Variants in VCAN observed in about 807,000 individuals in gnomAD.
VCAN encodes versican core protein.
Under a neutral mutation model 245.5 loss-of-function variants are expected in VCAN, and 44 were observed. The observed-to-expected ratio is 0.18, with a 90% CI of 0.14 to 0.23. The LOEUF is 0.23. VCAN is among the 10% of genes least tolerant of loss of function. VCAN has a pLI of 1.00. For missense variants in VCAN, 3,793 were observed against 4,057.9 expected (o/e 0.93, Z 1.77); for synonymous variants, 1,413 against 1,437.0 (o/e 0.98, Z 0.38).
chr5:83,553,331 G>A (rs769394971), intron 10 of VCAN, 33 bp from the exon 11 acceptor site: 3 of 1,613,358 alleles, frequency 1.9e-6, no homozygotes, highest in South Asian at 1.1e-5. Flanking sequence ...TGACGTATGT[G>A]CGTTTAATAA....
Position 83,572,340 on chromosome 5 carries a change from T to A in VCAN, c.9736-76T>A, listed in dbSNP as rs552407272. ...ATTGTTGAGTCTATTCCAATTAGAT[T>A]GTGATATAATACCGTCGTTGCTCTT... On this transcript the variant is annotated intron_variant, in intron 12 of 14. Transcript: ENST00000265077. The A allele has an allele frequency of 5.2e-6, 8 of 1,541,090 alleles. No homozygotes were observed. The Admixed American group carries it at 1.2e-4, about 23-fold the overall frequency.
In VCAN at chr5:83,581,806, A is replaced by C. The variant is rs1054541543; in HGVS notation, c.*1372A>C. On this transcript the variant is annotated 3_prime_UTR_variant, in exon 15 of 15. Transcript: ENST00000265077. ...TTGAATAAAGTGACTGCTGAAGATG[A>C]CTTTGAATCCTTATCCACTTAATTT... The C allele has an allele frequency of 5.3e-5, 8 of 152,180 alleles. No homozygotes were observed. The highest frequency in any genetic ancestry group is 1.7e-4 in the African/African-American group (7 of 41,442). The allele number at this position is 152,180 out of a possible 1,614,324, so 9.4% of individuals were successfully genotyped here. A position where few individuals can be genotyped will look rare whatever the true frequency, so the allele number is the denominator to read the frequency against.
chr5:83,517,540 T>C (rs1026279113), intron 6 of VCAN, among the ~76,000 whole-genome samples: 2 of 152,156 alleles, frequency 1.3e-5, no homozygotes, highest in Non-Finnish European at 1.5e-5. Flanking sequence ...AACATGAAAT[T>C]TGGCAGTTAA....
In VCAN at chr5:83,520,439, A is replaced by G; in HGVS notation, c.2133A>G (p.Pro711=). 1.2e-6 allele frequency: 2 copies of G among 1,613,958 alleles called. No individual in the cohort carries two copies. Among genetic ancestry groups the G allele is most frequent in the Non-Finnish European group, 1.7e-6 (2 of 1,179,956 alleles). Residue 711 remains proline, a synonymous_variant, in exon 7 of 15, where the codon CCA becomes CCG. Coordinates refer to ENST00000265077, the MANE Select transcript of VCAN (RefSeq NM_004385.5). ...DEIQEEITKS[P]FMGKTEEEVF... is the part of the protein sequence containing the mutation. ...TACAAGAAGAGATCACTAAAAGTCCATTTATGGGAAAAACAGAAGAAGAAG... is the reference window on the plus strand; with the variant it reads ...TACAAGAAGAGATCACTAAAAGTCCGTTTATGGGAAAAACAGAAGAAGAAG...
At chr5:83,508,734 A>G (rs1049973517) in intron 5 of VCAN, among the ~76,000 whole-genome samples, 1 of 152,216 alleles carries the variant, frequency 6.6e-6, no homozygotes, top group Non-Finnish European at 1.5e-5. Context: ...AAGTAAACTC[A>G]ATTGATTCTG....
chr5:83,503,669 C>T (rs1002697516), intron 5 of VCAN, among the ~76,000 whole-genome samples: 2 of 152,222 alleles, frequency 1.3e-5, no homozygotes, highest in Non-Finnish European at 2.9e-5. Context: ...TCATGTATCA[C>T]ATCACCCAGC....
At chr5:83,545,728 A>G in intron 9 of VCAN, 78 bp downstream of exon 9, 1 of 1,154,802 alleles carries the variant, frequency 8.7e-7, no homozygotes, top group Non-Finnish European at 1.3e-6. Context: ...TGTCGAATCA[A>G]TCAGAGATTT....
intron 5 of VCAN, among the ~76,000 whole-genome samples, chr5:83,497,545 T>C (rs1745197748): frequency 6.6e-6 from 1 of 152,190 alleles, no homozygotes; most frequent in Admixed American, 6.5e-5. Context: ...TTCTTAGAAA[T>C]GGTCTGGAAA....
Position 83,475,152 on chromosome 5 carries a change from G to T in VCAN, c.-7+3129G>T, listed in dbSNP as rs6878739. ...AATTTCATGGGGGCAAACATGGAAG[G>T]GCTGCGAGTGTAACTGAGGTTCCTG... On this transcript the variant is annotated intron_variant, in intron 1 of 14. Transcript: ENST00000265077. Among the ~76,000 whole-genome samples the T allele has an allele frequency of 9.5e-3, 1,442 of 152,268 alleles. 19 individuals are homozygous for T. Among genetic ancestry groups the T allele is most frequent in the East Asian group, 0.031 (159 of 5,182 alleles).
chr5:83,518,482 T>G (rs1302074378), intron 6 of VCAN, among the ~76,000 whole-genome samples: 1 of 152,204 alleles, frequency 6.6e-6, no homozygotes, highest in Non-Finnish European at 1.5e-5. Context: ...ATTACAGACC[T>G]AAAATACATT....
In VCAN at chr5:83,473,640, C is replaced by T. The variant is rs373140524; in HGVS notation, c.-7+1617C>T. Among the ~76,000 whole-genome samples, 12 of 152,318 alleles carry T rather than the reference C, an allele frequency of 7.9e-5. No homozygotes were observed. In the East Asian group the frequency reaches 2.3e-3, roughly 29 times the overall value. On this transcript the variant is annotated intron_variant, in intron 1 of 14. Coordinates refer to ENST00000265077, the MANE Select transcript of VCAN (RefSeq NM_004385.5). ...GAGGAGCGAGGGAGGCGGTGCGCTC[C>T]TTCGGATCTGCCCCCAGTTCAGCTC... is the stretch of plus-strand genomic sequence containing the variant.
At chr5:83,501,340 T>C (rs545355497) in intron 5 of VCAN, among the ~76,000 whole-genome samples, 1 of 152,346 alleles carries the variant, frequency 6.6e-6, no homozygotes, top group African/African-American at 2.4e-5. Flanking sequence ...TTAAAATTTT[T>C]GTGCTTTTGG....
intron 1 of VCAN, among the ~76,000 whole-genome samples, chr5:83,475,050 A>G (rs1744337705): frequency 6.6e-6 from 1 of 152,178 alleles, no homozygotes; most frequent in Non-Finnish European, 1.5e-5. Context: ...TAGTCAATTA[A>G]CAGATTAATT....
chr5:83,478,169 C>T (rs1744468641), intron 1 of VCAN, among the ~76,000 whole-genome samples: 1 of 152,002 alleles, frequency 6.6e-6, no homozygotes, highest in Non-Finnish European at 1.5e-5. Context: ...TGATCTTGAA[C>T]TCCTGACCTC....
At chr5:83,530,168 T>A (rs1746463474) in intron 7 of VCAN, among the ~76,000 whole-genome samples, 1 of 152,128 alleles carries the variant, frequency 6.6e-6, no homozygotes, top group Non-Finnish European at 1.5e-5. Flanking sequence ...ATTTATTAGC[T>A]TTTTGCTTTT....
In VCAN at chr5:83,542,108, G is replaced by A. The variant is rs771182564; in HGVS notation, c.9105G>A (p.Ala3035=). ...TIAASEQQVA[A]RILDSNDQAT... is the part of the protein sequence containing the mutation. ...CAGCATCAGAACAGCAAGTGGCAGC[G>A]AGAATTCTTGATTCCAATGATCAGG... The change falls in exon 8 of 15, where the codon GCG becomes GCA. Residue 3035 remains alanine (A), a synonymous_variant. Coordinates refer to ENST00000265077, the MANE Select transcript of VCAN (RefSeq NM_004385.5). The A allele has an allele frequency of 3.7e-6, 6 of 1,614,068 alleles. No homozygotes were observed. The East Asian group carries it at 6.7e-5, about 18-fold the overall frequency.
chr5:83,570,173 A>T (rs7718070), intron 12 of VCAN, among the ~76,000 whole-genome samples: 204 of 152,212 alleles, frequency 1.3e-3, no homozygotes, highest in Middle Eastern at 6.8e-3. Context: ...GGAGAGTAAC[A>T]CAGTGGGGCC....
rs1746115226 is a variant in VCAN at position 83,521,836 on chromosome 5, A to T, written c.3530A>T (p.Asp1177Val). The change falls in exon 7 of 15, where the codon GAT (aspartate) becomes GTT (valine). Residue 1177 changes from aspartate to valine, a missense_variant. Around this residue, in one of 5 missense-constraint regions of VCAN, gnomAD observed 3,182 missense variants for 3,250.3 expected, o/e 0.98. Coordinates refer to ENST00000265077, the MANE Select transcript of VCAN (RefSeq NM_004385.5). ...ETTTEKTSLE[D>V]IDLGSGLFEK... ...ACTACTGAGAAAACATCCCTAGAGG[A>T]TATTGATTTAGGCTCAGGATTATTT... 1 of 1,614,150 alleles carries T rather than the reference A, an allele frequency of 6.2e-7. No homozygotes were observed. The highest frequency in any genetic ancestry group is 8.5e-7 in the Non-Finnish European group (1 of 1,180,006).
At chr5:83,530,679 A>G (rs1381958354) in intron 7 of VCAN, among the ~76,000 whole-genome samples, 1 of 152,174 alleles carries the variant, frequency 6.6e-6, no homozygotes, top group East Asian at 1.9e-4. Context: ...ATGTACAAAA[A>G]TGTTAGTTTT....
Sources: gnomAD v4.1 joint callset for allele counts (sites outside exome capture counted in the v4.1 genomes callset) on GRCh38, gnomAD v4.1.1 for gene constraint, gnomAD v4.1.1 regional missense constraint, MANE v1.5 for transcripts, NCBI Gene and HGNC (gene_info 2026-07-23, HGNC 2026-07-21) for gene names.